The following CNTNAP2 variants were observed in gnomAD, a reference collection of about 807,000 sequenced individuals.
The protein encoded by CNTNAP2 is contactin associated protein 2, also known as contactin-associated protein-like 2.
Under a neutral mutation model 155.2 loss-of-function variants are expected in CNTNAP2, and 98 were observed. That is an observed-to-expected ratio of 0.63 (90% CI 0.54 to 0.75). The LOEUF is 0.75. CNTNAP2 is among the 30% of genes least tolerant of loss of function. The pLI, the probability that CNTNAP2 is intolerant of heterozygous loss-of-function variation, is 0.00. For missense variants in CNTNAP2, 1,727 were observed against 1,688.1 expected, an observed-to-expected ratio of 1.02 and a Z score of -0.40; for synonymous variants, 651 against 631.2, an observed-to-expected ratio of 1.03 and a Z score of -0.47.
intron 13 of CNTNAP2, among the ~76,000 whole-genome samples, chr7:147,646,648 T>C (rs1795368855): frequency 6.6e-6 from 1 of 152,192 alleles, no homozygotes; most frequent in Non-Finnish European, 1.5e-5. Context: ...TGCCTTGGTT[T>C]CATGGCACCT....
intron 12 of CNTNAP2, among the ~76,000 whole-genome samples, chr7:147,601,425 T>C (rs972332633): frequency 2.6e-5 from 4 of 151,926 alleles, no homozygotes. Flanking sequence ...GGGGGAGCTT[T>C]TGAGCCAGGA....
At chr7:147,348,312 A>G (rs1795911485) in intron 9 of CNTNAP2, among the ~76,000 whole-genome samples, 1 of 152,020 alleles carries the variant, frequency 6.6e-6, no homozygotes, top group African/African-American at 2.4e-5. Context: ...CAACAACAAA[A>G]ATATATTTTA....
At chr7:146,557,713 C>T (rs1403809573) in intron 1 of CNTNAP2, among the ~76,000 whole-genome samples, 1 of 152,144 alleles carries the variant, frequency 6.6e-6, no homozygotes. Flanking sequence ...GACTGATTAA[C>T]CATTTTCTAA....
intron 13 of CNTNAP2, among the ~76,000 whole-genome samples, chr7:147,866,599 G>A (rs964269075): frequency 6.6e-6 from 1 of 152,126 alleles, no homozygotes; most frequent in Admixed American, 6.6e-5. Flanking sequence ...GAATCTGGGT[G>A]CTCCTGTTTT....
intron 2 of CNTNAP2, among the ~76,000 whole-genome samples, chr7:146,790,684 C>T (rs747283678): frequency 7.0e-4 from 106 of 152,014 alleles, no homozygotes; most frequent in Non-Finnish European, 1.3e-3. Flanking sequence ...ATTCTCCTGC[C>T]TCAGCCTCCG....
chr7:146,567,575 C>T (rs572329722), intron 1 of CNTNAP2, among the ~76,000 whole-genome samples: 1 of 152,222 alleles, frequency 6.6e-6, no homozygotes, highest in Non-Finnish European at 1.5e-5. Context: ...ACTAAATTAT[C>T]AAGCTATATT....
rs13224583 is a variant in CNTNAP2, at chr7:146,248,996, C to T, written c.97+132023C>T. On this transcript the variant is annotated intron_variant, in intron 1 of 23. Coordinates refer to ENST00000361727, the MANE Select transcript of CNTNAP2 (RefSeq NM_014141.6). The stretch of plus-strand genomic sequence containing the variant: ...ATTACAGTCAAAGGGAGGGTTGTTC[C>T]CTGGCGGTCAGAGTGGGGGTCACAA... Among the ~76,000 whole-genome samples the T allele has an allele frequency of 7.3e-3, 1,117 of 152,132 alleles. 16 individuals are homozygous for T. The highest frequency in any genetic ancestry group is 0.025 in the African/African-American group (1,024 of 41,474).
intron 2 of CNTNAP2, among the ~76,000 whole-genome samples, chr7:146,800,310 T>C (rs1287666839): frequency 6.6e-6 from 1 of 152,020 alleles, no homozygotes; most frequent in African/African-American, 2.4e-5. Flanking sequence ...CCAGCACTGC[T>C]ATACCCACTG....
rs190391774 is a variant in CNTNAP2, at chr7:147,891,322, G to T, written c.2099-12243G>T. Among the ~76,000 whole-genome samples, 199 of 151,838 alleles carry T rather than the reference G, an allele frequency of 1.3e-3. 1 individual carries two copies. The highest frequency in any genetic ancestry group is 4.6e-3 in the African/African-American group (191 of 41,416). ...CGGGTTCAAGCGATTCTCCTTCCGC[G>T]GCCTCCCGAGTAGCTGGGATTGCAG... On this transcript the variant is annotated intron_variant, in intron 13 of 23. Transcript: ENST00000361727.
intron 1 of CNTNAP2, among the ~76,000 whole-genome samples, chr7:146,579,760 T>A (rs1344266276): frequency 1.3e-5 from 2 of 152,110 alleles, no homozygotes; most frequent in Non-Finnish European, 2.9e-5. Context: ...ACAAACGACA[T>A]TGAGTAGAAA....
At chr7:147,344,739 TC>T (rs1795821046) in intron 9 of CNTNAP2, among the ~76,000 whole-genome samples, 1 of 152,170 alleles carries the variant, frequency 6.6e-6, no homozygotes, top group Non-Finnish European at 1.5e-5. Context: ...ATTAACAGCA[TC>T]CATTATTCTT....
chr7:146,920,207 C>G (rs142332085), intron 3 of CNTNAP2, among the ~76,000 whole-genome samples: 1 of 151,870 alleles, frequency 6.6e-6, no homozygotes, highest in African/African-American at 2.4e-5. Flanking sequence ...TGAGGTCAGG[C>G]GTTCAAGACC....
At chr7:148,123,403 CA>C (rs1213122189) in intron 16 of CNTNAP2, among the ~76,000 whole-genome samples, 1 of 152,080 alleles carries the variant, frequency 6.6e-6, no homozygotes, top group African/African-American at 2.4e-5. Context: ...GCCTGGGCAA[CA>C]TGGTGAAACC....
chr7:146,247,351 C>G (rs563296541), intron 1 of CNTNAP2, among the ~76,000 whole-genome samples: 3 of 152,002 alleles, frequency 2.0e-5, no homozygotes, highest in East Asian at 3.9e-4. Flanking sequence ...TAAGCCGGAC[C>G]GGGTGTGAGG....
chr7:146,375,358 A>T (rs1795290742), intron 1 of CNTNAP2, among the ~76,000 whole-genome samples: 1 of 152,238 alleles, frequency 6.6e-6, no homozygotes. Context: ...AGACCAGAGC[A>T]GACTCACCCA....
At chr7:146,717,341 A>G (rs1585055641) in intron 1 of CNTNAP2, among the ~76,000 whole-genome samples, 1 of 128,516 alleles carries the variant, frequency 7.8e-6, no homozygotes, top group Admixed American at 7.0e-5. Context: ...TGTCTCTACT[A>G]AAAAATTAAA....
intron 21 of CNTNAP2, among the ~76,000 whole-genome samples, chr7:148,371,121 A>T (rs1244893306): frequency 6.6e-6 from 1 of 152,224 alleles, no homozygotes; most frequent in Non-Finnish European, 1.5e-5. Context: ...TTCATGACTC[A>T]GTCAGGTCTC....
intron 3 of CNTNAP2, among the ~76,000 whole-genome samples, chr7:147,017,716 A>G (rs1798749008): frequency 6.7e-6 from 1 of 149,252 alleles, no homozygotes. Context: ...AAATTTCAAA[A>G]TGTTAAAAAA....
intron 13 of CNTNAP2, among the ~76,000 whole-genome samples, chr7:147,738,586 A>G (rs1333270518): frequency 6.6e-6 from 1 of 151,848 alleles, no homozygotes; most frequent in Non-Finnish European, 1.5e-5. Context: ...AAATTAAGGT[A>G]TGTACATTTT....
Sources: allele counts gnomAD v4.1 joint callset (sites outside exome capture counted in the v4.1 genomes callset), GRCh38; gene constraint gnomAD v4.1.1; transcripts MANE v1.5; gene names NCBI Gene and HGNC (gene_info 2026-07-23, HGNC 2026-07-21).